The following CLASP2 variants were observed in gnomAD, a reference collection of about 807,000 sequenced individuals.
The protein encoded by CLASP2 is CLIP-associating protein 2.
A neutral mutation model predicts 194.4 loss-of-function variants in CLASP2; 47 were observed. The observed-to-expected ratio is 0.24, with a 90% CI of 0.19 to 0.31. CLASP2 has a LOEUF of 0.31. Ranked by LOEUF, CLASP2 falls within the 10% of genes least tolerant of loss-of-function variation. The pLI, the probability that CLASP2 is intolerant of heterozygous loss-of-function variation, is 1.00. For synonymous variants in CLASP2, 619 were observed against 633.5 expected (o/e 0.98, Z 0.34); for missense variants, 1,445 against 1,823.6 (o/e 0.79, Z 3.78).
At chr3:33,542,592 CTAA>C (rs1244143408) in intron 32 of CLASP2, among the ~76,000 whole-genome samples, 2 of 149,240 alleles carry the variant, frequency 1.3e-5, no homozygotes, top group Non-Finnish European at 3.0e-5. Context: ...ATAGTATGAC[CTAA>C]TGTCATATTT....
intron 15 of CLASP2, among the ~76,000 whole-genome samples, chr3:33,606,962 C>T (rs1266755040): frequency 1.3e-5 from 2 of 152,318 alleles, no homozygotes; most frequent in South Asian, 2.1e-4. Context: ...AGTTCAAAAC[C>T]TGCTGTGCCA....
intron 22 of CLASP2, among the ~76,000 whole-genome samples, chr3:33,583,881 A>G (rs944844268): frequency 6.6e-6 from 1 of 152,218 alleles, no homozygotes; most frequent in African/African-American, 2.4e-5. Flanking sequence ...AGTCAGCAAC[A>G]TGGTTGATAA....
Position 33,619,509 on chromosome 3 carries a change from G to C in CLASP2, c.1317+94C>G, listed in dbSNP as rs1176708115. On this transcript the variant is annotated intron_variant, in intron 12 of 38. Transcript: ENST00000682230. ...ACTCCATGACTTACATTGAGAGAGA[G>C]GGGTGGGGTGGGGAAAGGAGAGAAA... 3.7e-6 allele frequency: 4 copies of C among 1,075,482 alleles called. No homozygotes were observed. In the African/African-American group the frequency reaches 6.6e-5, roughly 18 times the overall value. 66.6% of individuals were successfully genotyped at this position (1,075,482 alleles called of 1,614,324 possible).
intron 21 of CLASP2, among the ~76,000 whole-genome samples, chr3:33,589,506 CA>C (rs1461626965): frequency 6.6e-6 from 1 of 152,050 alleles, no homozygotes; most frequent in Non-Finnish European, 1.5e-5. Context: ...ATACAAATTA[CA>C]TAATACCTTT....
chr3:33,607,518 TG>T (rs1437477535), intron 14 of CLASP2, 57 bp from the exon 15 acceptor site: 1 of 1,277,952 alleles, frequency 7.8e-7, no homozygotes, highest in Non-Finnish European at 1.1e-6. Context: ...TCACCACAAA[TG>T]GTACTTAAGG....
chr3:33,615,472 T>C (rs1202295624), intron 12 of CLASP2, among the ~76,000 whole-genome samples: 2 of 150,114 alleles, frequency 1.3e-5, no homozygotes, highest in South Asian at 2.1e-4. Context: ...TAAAAAAACC[T>C]TGACCATACA....
rs759682937 is a variant in CLASP2, at chr3:33,606,731, A to G, written c.1554T>C (p.Phe518=). 5 of 1,612,830 alleles carry G rather than the reference A, an allele frequency of 3.1e-6. No homozygotes were observed. The highest frequency in any genetic ancestry group is 2.5e-6 in the Non-Finnish European group (3 of 1,179,334). Residue 518 remains phenylalanine (F), a synonymous_variant, in exon 16 of 39, where the codon TTT becomes TTC. Coordinates refer to ENST00000682230, the MANE Select transcript of CLASP2 (RefSeq NM_001365631.1). ...RKTYMGLRNH[F]PGEAETLYNS... The stretch of plus-strand genomic sequence containing the variant: ...TATATAATGTTTCAGCTTCACCAGG[A>G]AAGTGGTTTCTAAGACCCATGTATG...
chr3:33,675,406 T>C (rs1418415305), intron 6 of CLASP2, among the ~76,000 whole-genome samples: 1 of 151,880 alleles, frequency 6.6e-6, no homozygotes, highest in Non-Finnish European at 1.5e-5. Context: ...CTAAAAACTC[T>C]CAATAAATTA....
At position 33,718,200 on chromosome 3, in the gene CLASP2, C is replaced by A. The variant is rs975611817; in HGVS notation, c.-198G>T. ...CCAAACTAGTCAAACTCGGCGCCCC[C>A]CGATCCCCAGCCCGCTTCAGAGGCC... On this transcript the variant is annotated 5_prime_UTR_variant, in exon 1 of 39. Transcript: ENST00000682230. 5.4e-6 allele frequency: 2 copies of A among 373,642 alleles called. No homozygotes were observed. Among genetic ancestry groups the A allele is most frequent in the Non-Finnish European group, 4.7e-6 (1 of 211,214 alleles). The allele number at this position is 373,642 out of a possible 1,614,324, so 23.1% of individuals were successfully genotyped here. A position where few individuals can be genotyped will look rare whatever the true frequency, so the allele number is the denominator to read the frequency against.
chr3:33,666,727 G>A (rs2086240363), intron 6 of CLASP2, among the ~76,000 whole-genome samples: 1 of 152,130 alleles, frequency 6.6e-6, no homozygotes, highest in South Asian at 2.1e-4. Flanking sequence ...ATACAGCCAG[G>A]AATGGAATTA....
chr3:33,615,502 A>G (rs1335758947), intron 12 of CLASP2, among the ~76,000 whole-genome samples: 3 of 151,808 alleles, frequency 2.0e-5, no homozygotes, highest in Admixed American at 2.0e-4. Context: ...TATATCAAGA[A>G]CTGTTAGAAA....
At chr3:33,611,925 T>C (rs2075256462) in intron 13 of CLASP2, 76 bp downstream of exon 13, 1 of 1,028,318 alleles carries the variant, frequency 9.7e-7, no homozygotes, top group East Asian at 2.5e-5. Context: ...TGACCAATTC[T>C]TGCAGCAGAC....
At chr3:33,689,119 C>G (rs544196607) in intron 3 of CLASP2, among the ~76,000 whole-genome samples, 152 of 151,176 alleles carry the variant, frequency 1.0e-3, no homozygotes, top group Non-Finnish European at 1.9e-3. Context: ...GTATTCAGTT[C>G]TATTAATATA....
At chr3:33,699,285 G>T (rs1205719304) in intron 1 of CLASP2, among the ~76,000 whole-genome samples, 3 of 152,070 alleles carry the variant, frequency 2.0e-5, no homozygotes, top group Non-Finnish European at 4.4e-5. Flanking sequence ...CTAGAAGAGA[G>T]AACAAGGTAG....
At chr3:33,519,317 C>A (rs888516983) in intron 34 of CLASP2, among the ~76,000 whole-genome samples, 3 of 151,918 alleles carry the variant, frequency 2.0e-5, no homozygotes, top group African/African-American at 7.3e-5. Flanking sequence ...TTATCAGTGG[C>A]TTTTTTTGGA....
intron 24 of CLASP2, among the ~76,000 whole-genome samples, chr3:33,575,805 A>G (rs542707263): frequency 1.3e-5 from 2 of 152,312 alleles, no homozygotes; most frequent in Admixed American, 1.3e-4. Flanking sequence ...ATCCAGCCCC[A>G]AAGTAAAATA....
chr3:33,563,253 G>A (rs921520943), intron 27 of CLASP2, among the ~76,000 whole-genome samples: 10 of 152,098 alleles, frequency 6.6e-5, no homozygotes, highest in Non-Finnish European at 1.0e-4. Flanking sequence ...ATGTTTGGCC[G>A]TTCTGTAACT....
chr3:33,699,873 A>C (rs1371842566), intron 1 of CLASP2, among the ~76,000 whole-genome samples: 1 of 107,950 alleles, frequency 9.3e-6, no homozygotes, highest in Non-Finnish European at 1.9e-5. Context: ...TTGTACTACC[A>C]AAAAAAAAAA....
intron 30 of CLASP2, among the ~76,000 whole-genome samples, chr3:33,547,790 A>ATT (rs551611344): frequency 0.013 from 1,789 of 135,988 alleles, 16 homozygotes; most frequent in Middle Eastern, 0.04. Context: ...TATTTTATGT[A>ATT]TTTTTTTTTT....
Sources: gnomAD v4.1 joint callset for allele counts (sites outside exome capture counted in the v4.1 genomes callset) on GRCh38, gnomAD v4.1.1 for gene constraint, MANE v1.5 for transcripts, NCBI Gene and HGNC (gene_info 2026-07-23, HGNC 2026-07-21) for gene names.